PRR5: variants seen among roughly 807,000 people sequenced by gnomAD.
The protein encoded by PRR5 is proline rich 5.
PRR5 carries 25 observed loss-of-function variants against 30.6 expected under a neutral mutation model. The observed-to-expected ratio is 0.82, with a 90% CI of 0.60 to 1.14. The LOEUF is 1.14. PRR5 is among the 50% of genes most tolerant of loss of function. PRR5 has a pLI of 0.00. For missense variants in PRR5, 600 were observed against 547.1 expected, an observed-to-expected ratio of 1.10 and a Z score of -0.96; for synonymous variants, 286 against 247.1, an observed-to-expected ratio of 1.16 and a Z score of -1.48.
chr22:44,693,743 T>G (rs1360139146), intron 1 of PRR5, among the ~76,000 whole-genome samples: 3 of 142,668 alleles, frequency 2.1e-5, no homozygotes, highest in African/African-American at 7.7e-5. Context: ...TTCTCCTGCC[T>G]CAGCCTCCTA....
intron 1 of PRR5, among the ~76,000 whole-genome samples, chr22:44,689,656 T>C (rs1569070087): frequency 6.6e-6 from 1 of 152,174 alleles, no homozygotes; most frequent in Non-Finnish European, 1.5e-5. Context: ...AGTTTTGTTT[T>C]GTTTTGTTTT....
intron 4 of PRR5, chr22:44,729,227 A>C: frequency 7.0e-6 from 6 of 860,428 alleles, no homozygotes; most frequent in Non-Finnish European, 8.4e-6. Flanking sequence ...GACCTGGTCC[A>C]CCCAGCGCGT....
At chr22:44,704,248 A>C (rs1014871370) in intron 1 of PRR5, among the ~76,000 whole-genome samples, 5 of 152,186 alleles carry the variant, frequency 3.3e-5, no homozygotes, top group Non-Finnish European at 7.4e-5. Context: ...AGGGCTCCAC[A>C]GGAATCAGTC....
exon 1 of PRR5, chr22:44,677,153 C>G (rs998806277): frequency 6.6e-6 from 1 of 152,402 alleles, no homozygotes; most frequent in Non-Finnish European, 1.5e-5. Context: ...GCCAAGGTCG[C>G]AGAGCAGAGG....
At chr22:44,732,859 C>T (rs1290607976) in intron 6 of PRR5, among the ~76,000 whole-genome samples, 3 of 135,030 alleles carry the variant, frequency 2.2e-5, no homozygotes, top group Non-Finnish European at 3.1e-5. Flanking sequence ...CACGTGCACA[C>T]GCACATACTA....
At chr22:44,695,685 A>G (rs1398643596) in intron 1 of PRR5, among the ~76,000 whole-genome samples, 1 of 150,888 alleles carries the variant, frequency 6.6e-6, no homozygotes, top group Non-Finnish European at 1.5e-5. Flanking sequence ...TGCAACCTCT[A>G]CCTCCCGGGT....
intron 1 of PRR5, among the ~76,000 whole-genome samples, chr22:44,688,861 G>A (rs929873599): frequency 2.0e-4 from 31 of 152,084 alleles, no homozygotes; most frequent in Non-Finnish European, 4.0e-4. Context: ...GGTGGTGCAC[G>A]CCTGTGATCC....
chr22:44,675,259 A>C (rs1428890554), upstream of PRR5, among the ~76,000 whole-genome samples: 1 of 147,224 alleles, frequency 6.8e-6, no homozygotes, highest in Non-Finnish European at 1.5e-5. Context: ...CAAAAAAAAA[A>C]GAAAAAAAAG....
At chr22:44,684,076 A>C (rs1444318598) in intron 1 of PRR5, among the ~76,000 whole-genome samples, 1 of 152,128 alleles carries the variant, frequency 6.6e-6, no homozygotes, top group Non-Finnish European at 1.5e-5. Flanking sequence ...TTGAGGGTCC[A>C]GGAGGGCCCG....
intron 1 of PRR5, among the ~76,000 whole-genome samples, chr22:44,714,247 G>A (rs1928711061): frequency 6.6e-6 from 1 of 152,208 alleles, no homozygotes; most frequent in Non-Finnish European, 1.5e-5. Flanking sequence ...TGGATGTGTT[G>A]GGGGGTGGGA....
chr22:44,721,586 C>T (rs996877917), intron 2 of PRR5, among the ~76,000 whole-genome samples: 6 of 152,162 alleles, frequency 3.9e-5, no homozygotes, highest in African/African-American at 1.4e-4. Context: ...AAGTAGCCTC[C>T]GGTCCTTTTG....
intron 4 of PRR5, chr22:44,729,422 G>A (rs1921498102): frequency 1.0e-6 from 1 of 985,272 alleles, no homozygotes; most frequent in South Asian, 4.7e-5. Flanking sequence ...CAAGGCTACT[G>A]CGGGGCCGCT....
At chr22:44,729,318 T>C (rs751148762) in intron 4 of PRR5, 5 of 980,234 alleles carry the variant, frequency 5.1e-6, no homozygotes, top group Non-Finnish European at 6.1e-6. Context: ...TTGCAGGGCC[T>C]GCACAGGGCC....
At chr22:44,685,868 T>A (rs528202864) in intron 1 of PRR5, among the ~76,000 whole-genome samples, 6 of 152,242 alleles carry the variant, frequency 3.9e-5, no homozygotes, top group Non-Finnish European at 8.8e-5. Flanking sequence ...AGAAAGATGG[T>A]TCCACTTGCA....
intron 1 of PRR5, among the ~76,000 whole-genome samples, chr22:44,694,739 A>G (rs1224688307): frequency 6.6e-6 from 1 of 152,164 alleles, no homozygotes; most frequent in African/African-American, 2.4e-5. Flanking sequence ...TTGGAGTGCT[A>G]TGGAATTCAA....
intron 5 of PRR5, 56 bp downstream of exon 5, chr22:44,731,877 G>A: frequency 2.6e-6 from 4 of 1,562,376 alleles, no homozygotes; most frequent in Non-Finnish European, 3.5e-6. Flanking sequence ...GCCCACCCTG[G>A]CCTCACTCTA....
intron 1 of PRR5, among the ~76,000 whole-genome samples, chr22:44,681,821 G>A (rs1276765207): frequency 6.6e-6 from 1 of 152,202 alleles, no homozygotes; most frequent in Admixed American, 6.5e-5. Flanking sequence ...GGAGGGCTGA[G>A]GCAGGAGATG....
chr22:44,670,248 A>G (rs1427860017), intron 1 of PRR5, among the ~76,000 whole-genome samples: 1 of 152,174 alleles, frequency 6.6e-6, no homozygotes, highest in African/African-American at 2.4e-5. Flanking sequence ...CTTGGAGCCC[A>G]AGTCCCCCAG....
chr22:44,707,713 T>C (rs1927455714), intron 1 of PRR5, among the ~76,000 whole-genome samples: 1 of 152,202 alleles, frequency 6.6e-6, no homozygotes. Flanking sequence ...CCAGCAGGGC[T>C]CACCACTGCA....
Sources: allele counts gnomAD v4.1 joint callset (sites outside exome capture counted in the v4.1 genomes callset), GRCh38; gene constraint gnomAD v4.1.1; transcripts MANE v1.5; gene names NCBI Gene and HGNC (gene_info 2026-07-23, HGNC 2026-07-21).